The following S100Z variants were observed in gnomAD, a reference collection of about 807,000 sequenced individuals.
S100Z encodes the protein S100 calcium binding protein Z.
S100Z carries 11 observed loss-of-function variants against 8.5 expected under a neutral mutation model. That is an observed-to-expected ratio of 1.30 (90% CI 0.82 to 2.15). The LOEUF is 2.15. Ranked by LOEUF, S100Z falls within the 30% of genes most tolerant of loss-of-function variation. S100Z has a pLI of 0.00. For synonymous variants in S100Z, 34 were observed against 43.8 expected (o/e 0.78, Z 0.89); for missense variants, 126 against 117.9 (o/e 1.07, Z -0.32).
chr5:76,912,655 G>C (rs1042312783), intron 4 of S100Z, among the ~76,000 whole-genome samples: 1 of 152,230 alleles, frequency 6.6e-6, no homozygotes, highest in African/African-American at 2.4e-5. Context: ...GTTACCTCTG[G>C]GGGGAACCCC....
intron 4 of S100Z, among the ~76,000 whole-genome samples, chr5:76,918,424 C>T (rs891511160): frequency 6.6e-6 from 1 of 152,194 alleles, no homozygotes; most frequent in African/African-American, 2.4e-5. Context: ...TCATGCTGGT[C>T]TCAAACTCCT....
rs781247554 is a variant in S100Z at position 76,877,782 on chromosome 5, G to A, written c.250G>A (p.Val84Ile). The A allele has an allele frequency of 7.4e-6, 12 of 1,613,366 alleles. No individual in the cohort carries two copies. In the Admixed American group the frequency reaches 1.8e-4, roughly 25 times the overall value. Reference sequence around the variant, plus strand: ...CGTGGTCATGGTGGCAGCTCTGACAGTTGCTTGTAATGATTACTTTGTAGA... The same window carrying A: ...CGTGGTCATGGTGGCAGCTCTGACAATTGCTTGTAATGATTACTTTGTAGA... Reference protein sequence around the residue: ...EFVVMVAALTVACNDYFVEQL... With the variant: ...EFVVMVAALTIACNDYFVEQL... The change falls in exon 4 of 5, where the codon GTT becomes ATT. Residue 84 changes from valine (V) to isoleucine (I), a missense_variant. By Grantham distance (29) the Val-to-Ile change is conservative. Coordinates refer to ENST00000317593, the MANE Select transcript of S100Z (RefSeq NM_130772.4).
intron 4 of S100Z, among the ~76,000 whole-genome samples, chr5:76,887,140 A>G (rs1434203727): frequency 1.3e-5 from 2 of 148,160 alleles, no homozygotes; most frequent in Non-Finnish European, 3.0e-5. Context: ...CTCTGTCACC[A>G]GGCTGGAGTG....
chr5:76,944,261 G>A, the S100Z span, among the ~76,000 whole-genome samples: 4 of 152,112 alleles, frequency 2.6e-5, no homozygotes, highest in East Asian at 1.9e-4. Flanking sequence ...GAGTGGTGAC[G>A]AATCCCTAGT....
At chr5:76,850,335 G>GAGAGA in intron 1 of S100Z, among the ~76,000 whole-genome samples, 180 bp downstream of exon 1, 1 of 111,068 alleles carries the variant, frequency 9.0e-6, no homozygotes, top group African/African-American at 3.7e-5. Context: ...GGGGGGTGGG[G>GAGAGA]GAGAGAGAGA....
chr5:76,935,030 G>A, the S100Z span, among the ~76,000 whole-genome samples: 1 of 152,050 alleles, frequency 6.6e-6, no homozygotes, highest in African/African-American at 2.4e-5. Context: ...CAAGTTTTAC[G>A]GTTTATGTCA....
intron 1 of S100Z, among the ~76,000 whole-genome samples, chr5:76,866,416 G>A (rs753812810): frequency 6.6e-6 from 1 of 152,114 alleles, no homozygotes; most frequent in Non-Finnish European, 1.5e-5. Flanking sequence ...ATTTAGTGCA[G>A]CCTAACTGTA....
intron 1 of S100Z, among the ~76,000 whole-genome samples, chr5:76,858,617 G>T (rs967926745): frequency 6.6e-6 from 1 of 152,102 alleles, no homozygotes; most frequent in Non-Finnish European, 1.5e-5. Context: ...GACAAGTAGG[G>T]TGGGGGCTAA....
At chr5:76,862,673 A>G (rs1390734772) in intron 1 of S100Z, among the ~76,000 whole-genome samples, 1 of 152,016 alleles carries the variant, frequency 6.6e-6, no homozygotes, top group African/African-American at 2.4e-5. Flanking sequence ...ACGGTGGCGC[A>G]TTCCTGTAGT....
intron 4 of S100Z, among the ~76,000 whole-genome samples, chr5:76,899,388 ATT>A (rs545916640): frequency 5.9e-4 from 74 of 126,070 alleles, no homozygotes; most frequent in Non-Finnish European, 9.6e-4. Flanking sequence ...CCATTTTGCT[ATT>A]TTTTTTTTTT....
chr5:76,921,854 C>T (rs540370218), downstream of S100Z, among the ~76,000 whole-genome samples: 25 of 151,974 alleles, frequency 1.6e-4, no homozygotes, highest in East Asian at 7.7e-4. Context: ...CTGGGCATGG[C>T]GGTGCACGCC....
intron 1 of S100Z, among the ~76,000 whole-genome samples, chr5:76,869,704 A>C (rs1742934302): frequency 6.6e-6 from 1 of 152,084 alleles, no homozygotes; most frequent in South Asian, 2.1e-4. Context: ...AATGGAGAGA[A>C]GTGGACCAGT....
At chr5:76,865,510 G>A (rs907406612) in intron 1 of S100Z, among the ~76,000 whole-genome samples, 1 of 150,882 alleles carries the variant, frequency 6.6e-6, no homozygotes, top group South Asian at 2.1e-4. Context: ...GCCTCCCAAA[G>A]TGCTGGGATT....
At chr5:76,867,762 A>C (rs1742821274) in intron 1 of S100Z, among the ~76,000 whole-genome samples, 1 of 151,852 alleles carries the variant, frequency 6.6e-6, no homozygotes, top group Admixed American at 6.6e-5. Flanking sequence ...TTGTATTTTT[A>C]GTAGAGATGG....
intron 4 of S100Z, among the ~76,000 whole-genome samples, chr5:76,900,932 G>A (rs1173513224): frequency 6.6e-6 from 1 of 152,168 alleles, no homozygotes; most frequent in Non-Finnish European, 1.5e-5. Flanking sequence ...ATCTGCTTTA[G>A]AGGACACCCC....
downstream of S100Z, among the ~76,000 whole-genome samples, chr5:76,926,322 A>G (rs1745136474): frequency 6.6e-6 from 1 of 152,186 alleles, no homozygotes; most frequent in African/African-American, 2.4e-5. Context: ...TGGAGCTGAT[A>G]ATACTCCAGG....
the S100Z span, among the ~76,000 whole-genome samples, chr5:76,951,803 AC>A: frequency 1.3e-5 from 2 of 152,192 alleles, no homozygotes; most frequent in African/African-American, 4.8e-5. Flanking sequence ...AGGACTGCTT[AC>A]AAAGTTGGAC....
intron 4 of S100Z, among the ~76,000 whole-genome samples, chr5:76,917,723 T>A (rs1486249333): frequency 4.0e-5 from 6 of 150,600 alleles, no homozygotes; most frequent in Admixed American, 3.3e-4. Flanking sequence ...CAAGGGAGGC[T>A]GAGGCACAAG....
intron 4 of S100Z, among the ~76,000 whole-genome samples, chr5:76,910,986 C>G (rs1418596624): frequency 6.6e-6 from 1 of 152,148 alleles, no homozygotes; most frequent in East Asian, 1.9e-4. Flanking sequence ...GATATATTAG[C>G]CAAGGCTGGA....
Sources: allele counts gnomAD v4.1 joint callset (sites outside exome capture counted in the v4.1 genomes callset), GRCh38; gene constraint gnomAD v4.1.1; transcripts MANE v1.5; gene names NCBI Gene and HGNC (gene_info 2026-07-23, HGNC 2026-07-21).